Variants in KCNH5 observed in about 807,000 individuals in gnomAD.
The protein encoded by KCNH5 is voltage-gated delayed rectifier potassium channel KCNH5.
KCNH5 carries 46 observed loss-of-function variants against 96.1 expected under a neutral mutation model. The observed-to-expected ratio is 0.48, with a 90% confidence interval of 0.38 to 0.61. The LOEUF (loss-of-function observed/expected upper bound fraction) is 0.61, where lower values mean the gene tolerates loss of function less well. Among genes scored for constraint, KCNH5 ranks in the 20% least tolerant of loss-of-function variants. KCNH5 has a pLI of 0.00. For synonymous variants in KCNH5, 439 were observed against 449.8 expected (o/e 0.98, Z 0.30); for missense variants, 907 against 1,225.8 (o/e 0.74, Z 3.88).
chr14:62,759,573 A>ATATATATATATATATTTTTTT (rs1171935428), intron 10 of KCNH5, among the ~76,000 whole-genome samples: 5 of 151,082 alleles, frequency 3.3e-5, no homozygotes, highest in Admixed American at 6.6e-5. Flanking sequence ...CGTAGGGTAT[A>ATATATATATATATATTTTTTT]TTTTTTAATA....
At chr14:62,853,392 A>G (rs1887847740) in intron 7 of KCNH5, among the ~76,000 whole-genome samples, 1 of 147,880 alleles carries the variant, frequency 6.8e-6, no homozygotes, top group Non-Finnish European at 1.5e-5. Context: ...AGTAGCGACT[A>G]GGTATCCAGA....
Position 62,987,094 on chromosome 14 carries a change from T to C in KCNH5, c.527A>G (p.His176Arg). 3.1e-6 allele frequency: 5 copies of C among 1,613,278 alleles called. No individual in the cohort carries two copies. Among genetic ancestry groups the C allele is most frequent in the Non-Finnish European group, 4.2e-6 (5 of 1,179,302 alleles). ...LTPMNKTEVV[H>R]KHSRLAEVLQ... ...TACTTCAGCTAGTCTTGAATGTTTATGGACCACCTCTGTTTTATTCATTGG... is the reference window on the plus strand; with the variant it reads ...TACTTCAGCTAGTCTTGAATGTTTACGGACCACCTCTGTTTTATTCATTGG... The change falls in exon 5 of 11, where the codon CAT becomes CGT. Residue 176 changes from histidine (H) to arginine (R), a missense_variant. Coordinates refer to ENST00000322893, the MANE Select transcript of KCNH5 (RefSeq NM_139318.5).
At chr14:63,015,772 A>G (rs1230364315) in intron 2 of KCNH5, among the ~76,000 whole-genome samples, 1 of 151,922 alleles carries the variant, frequency 6.6e-6, no homozygotes, top group African/African-American at 2.4e-5. Flanking sequence ...CAAGGGTTTC[A>G]TATCCCCTTG....
At chr14:62,851,166 T>C (rs1294805898) in intron 7 of KCNH5, among the ~76,000 whole-genome samples, 1 of 152,168 alleles carries the variant, frequency 6.6e-6, no homozygotes, top group Non-Finnish European at 1.5e-5. Flanking sequence ...CTGCTATTAT[T>C]TGATGCCAGT....
At chr14:62,829,133 C>T (rs1394924033) in intron 8 of KCNH5, among the ~76,000 whole-genome samples, 1 of 152,130 alleles carries the variant, frequency 6.6e-6, no homozygotes, top group Non-Finnish European at 1.5e-5. Context: ...GCTCCCAAGG[C>T]CTTGGGTAGC....
At chr14:62,742,771 A>AGGCC (rs1349765668) in intron 10 of KCNH5, among the ~76,000 whole-genome samples, 1 of 152,204 alleles carries the variant, frequency 6.6e-6, no homozygotes, top group Non-Finnish European at 1.5e-5. Flanking sequence ...ATTTGGCAGA[A>AGGCC]GGCCCTTAGA....
intron 3 of KCNH5, among the ~76,000 whole-genome samples, chr14:63,002,497 T>A (rs1014615397): frequency 2.6e-5 from 4 of 152,162 alleles, no homozygotes; most frequent in African/African-American, 9.7e-5. Context: ...TATTCTATTT[T>A]AAGACATAAA....
chr14:62,710,763 C>A (rs915065), intron 10 of KCNH5, among the ~76,000 whole-genome samples: 135,117 of 152,202 alleles, frequency 0.89, 61,789 homozygotes, highest in East Asian at 1. Flanking sequence ...AAGTGGTAGG[C>A]ACACAGGAAG....
At chr14:62,851,155 T>C (rs905762519) in intron 7 of KCNH5, among the ~76,000 whole-genome samples, 15 of 152,150 alleles carry the variant, frequency 9.9e-5, no homozygotes. Flanking sequence ...AGTCAGTTTT[T>C]CTGCTATTAT....
intron 9 of KCNH5, among the ~76,000 whole-genome samples, chr14:62,787,441 C>A (rs952104182): frequency 6.6e-6 from 1 of 152,168 alleles, no homozygotes; most frequent in Non-Finnish European, 1.5e-5. Context: ...ATCTCCACAA[C>A]ATAAAAATGC....
chr14:63,042,954 G>A (rs951550447), intron 1 of KCNH5, among the ~76,000 whole-genome samples: 1 of 152,132 alleles, frequency 6.6e-6, no homozygotes, highest in Admixed American at 6.6e-5. Flanking sequence ...GCGATTAGAG[G>A]TGGCATTTAA....
chr14:62,739,462 G>A (rs1293471828), intron 10 of KCNH5, among the ~76,000 whole-genome samples: 2 of 151,706 alleles, frequency 1.3e-5, no homozygotes, highest in African/African-American at 4.8e-5. Context: ...TTCTTTTTTT[G>A]TGTGTTAGAG....
chr14:62,981,360 T>C (rs911127346), intron 5 of KCNH5, 96 bp from the exon 6 acceptor site: 2 of 1,211,142 alleles, frequency 1.7e-6, no homozygotes, highest in South Asian at 1.4e-5. Context: ...CAGCCAGTCA[T>C]GCTCCACAGT....
At chr14:62,959,738 T>A (rs998701433) in intron 6 of KCNH5, among the ~76,000 whole-genome samples, 2 of 152,164 alleles carry the variant, frequency 1.3e-5, no homozygotes, top group Non-Finnish European at 2.9e-5. Flanking sequence ...CCATTATTTT[T>A]AAATATTTGT....
intron 8 of KCNH5, among the ~76,000 whole-genome samples, chr14:62,829,655 G>A (rs1444856644): frequency 6.6e-6 from 1 of 152,170 alleles, no homozygotes; most frequent in East Asian, 1.9e-4. Context: ...CTCTGGGCCT[G>A]GACCACTAAA....
intron 10 of KCNH5, among the ~76,000 whole-genome samples, chr14:62,756,315 G>A (rs546097344): frequency 3.2e-4 from 48 of 151,964 alleles, no homozygotes; most frequent in Non-Finnish European, 5.2e-4. Flanking sequence ...GAGAAAAGTG[G>A]AAAGATATTC....
intron 6 of KCNH5, among the ~76,000 whole-genome samples, chr14:62,976,879 A>G (rs1430118969): frequency 6.6e-6 from 1 of 152,238 alleles, no homozygotes; most frequent in East Asian, 1.9e-4. Context: ...TATCGATAGA[A>G]TACTTCTTGC....
intron 10 of KCNH5, among the ~76,000 whole-genome samples, chr14:62,765,401 C>A (rs1885838839): frequency 6.6e-6 from 1 of 152,070 alleles, no homozygotes; most frequent in African/African-American, 2.4e-5. Flanking sequence ...AAATGTAAAC[C>A]CTAAAACTAT....
Position 62,705,731 on chromosome 14 carries a change from T to C in KCNH5, c.*1777A>G, listed in dbSNP as rs1884417426. On this transcript the variant is annotated 3_prime_UTR_variant, in exon 11 of 11. Coordinates refer to ENST00000322893, the MANE Select transcript of KCNH5 (RefSeq NM_139318.5). ...GTTTTTATAAATCACTGTTTTGCAC[T>C]TCTCAAGTCTGAATGTGATAACATG... 2 of 152,116 alleles carry C rather than the reference T, an allele frequency of 1.3e-5. No individual in the cohort carries two copies. The highest frequency in any genetic ancestry group is 4.8e-5 in the African/African-American group (2 of 41,454). The allele number at this position is 152,116 out of a possible 1,614,324, so 9.4% of individuals were successfully genotyped here.
Sources: allele counts gnomAD v4.1 joint callset (sites outside exome capture counted in the v4.1 genomes callset), GRCh38; gene constraint gnomAD v4.1.1; transcripts MANE v1.5; gene names NCBI Gene and HGNC (gene_info 2026-07-23, HGNC 2026-07-21).